Variants in FAM107B observed in about 807,000 individuals in gnomAD.
FAM107B encodes the protein family with sequence similarity 107 member B.
A neutral mutation model predicts 31.5 loss-of-function variants in FAM107B; 21 were observed. The ratio of observed to expected loss-of-function variants is 0.67; its 90% CI spans 0.47 to 0.96. The LOEUF (loss-of-function observed/expected upper bound fraction) is 0.96, where lower values mean the gene tolerates loss of function less well. FAM107B is among the 40% of genes least tolerant of loss of function. The pLI is 0.00. For synonymous variants in FAM107B, 157 were observed against 141.5 expected, an observed-to-expected ratio of 1.11 and a Z score of -0.78; for missense variants, 452 against 377.1, an observed-to-expected ratio of 1.20 and a Z score of -1.64.
chr10:14,683,327 C>T (rs1278117163), intron 1 of FAM107B, among the ~76,000 whole-genome samples: 1 of 152,160 alleles, frequency 6.6e-6, no homozygotes, highest in Non-Finnish European at 1.5e-5. Context: ...TGGTTCAGTT[C>T]TGCAACGGAA....
intron 2 of FAM107B, among the ~76,000 whole-genome samples, chr10:14,558,199 A>G (rs1414985308): frequency 6.8e-6 from 1 of 147,960 alleles, no homozygotes; most frequent in Non-Finnish European, 1.5e-5. Flanking sequence ...GCACACACTC[A>G]CGTGCACGTG....
intron 1 of FAM107B, among the ~76,000 whole-genome samples, chr10:14,766,619 G>A (rs373837427): frequency 1.3e-5 from 2 of 151,968 alleles, no homozygotes; most frequent in South Asian, 2.1e-4. Context: ...GGGATTATCA[G>A]GAACTGATAT....
intron 1 of FAM107B, among the ~76,000 whole-genome samples, chr10:14,689,100 T>C (rs1225039621): frequency 6.6e-6 from 1 of 152,142 alleles, no homozygotes; most frequent in African/African-American, 2.4e-5. Flanking sequence ...ATGGACCTTG[T>C]CCTCAAGAAG....
chr10:14,704,267 C>CTG (rs1349375294), intron 1 of FAM107B, among the ~76,000 whole-genome samples: 1 of 66,642 alleles, frequency 1.5e-5, no homozygotes, highest in Admixed American at 1.7e-4. Context: ...AGGTAAATTG[C>CTG]TCTGTGTGTG....
intron 2 of FAM107B, among the ~76,000 whole-genome samples, chr10:14,660,866 G>T (rs1015821321): frequency 6.6e-6 from 1 of 152,120 alleles, no homozygotes; most frequent in African/African-American, 2.4e-5. Flanking sequence ...ATGCTACCCA[G>T]GTCATGAGGT....
At chr10:14,583,695 C>T (rs10906707) in intron 2 of FAM107B, among the ~76,000 whole-genome samples, 142,941 of 152,152 alleles carry the variant, frequency 0.94, 67,818 homozygotes, top group East Asian at 1. Flanking sequence ...CTTGCCAACA[C>T]CTGCTGCTAT....
In FAM107B at chr10:14,709,374, G is replaced by A. The variant is rs918259002; in HGVS notation, c.412-41683C>T. 5.9e-5 allele frequency among the ~76,000 whole-genome samples: 9 copies of A among 152,184 alleles called. No homozygotes were observed. In the East Asian group the frequency reaches 1.3e-3, roughly 23 times the overall value. ...AATGAACTTACAGTTCCACGTGGCT[G>A]GGCAAGCCTCACAATCATGGCAGAA... On this transcript the variant is annotated intron_variant, in intron 1 of 4. Coordinates refer to ENST00000181796, the MANE Select transcript of FAM107B (RefSeq NM_031453.4).
Position 14,681,534 on chromosome 10 carries a change from G to T in FAM107B, c.412-13843C>A, listed in dbSNP as rs1854835246. Among the ~76,000 whole-genome samples the T allele has an allele frequency of 6.6e-5, 10 of 152,288 alleles. No homozygotes were observed. The South Asian group carries it at 2.1e-3, about 32-fold the overall frequency. The stretch of plus-strand genomic sequence containing the variant: ...ATATACAGGGTTTCAGAGAAATACT[G>T]ACTGTTCCATCTTGGGTCGCATACT... On this transcript the variant is annotated intron_variant, in intron 1 of 4. Coordinates refer to ENST00000181796, the MANE Select transcript of FAM107B (RefSeq NM_031453.4).
At chr10:14,588,489 T>A (rs1851914472) in intron 2 of FAM107B, among the ~76,000 whole-genome samples, 1 of 151,942 alleles carries the variant, frequency 6.6e-6, no homozygotes, top group Admixed American at 6.6e-5. Context: ...GCTACCAGGG[T>A]CTACCCATTC....
chr10:14,700,519 T>C (rs902868245), intron 1 of FAM107B, among the ~76,000 whole-genome samples: 4 of 151,688 alleles, frequency 2.6e-5, no homozygotes, highest in South Asian at 4.2e-4. Flanking sequence ...TCAGAAGAGA[T>C]GCAATAAAAA....
chr10:14,595,680 T>A, intron 2 of FAM107B, among the ~76,000 whole-genome samples: 1 of 152,054 alleles, frequency 6.6e-6, no homozygotes, highest in Non-Finnish European at 1.5e-5. Flanking sequence ...GGTCTCCACA[T>A]CTGTAAAATG....
chr10:14,519,173 G>C lies in FAM107B; in HGVS notation c.*2017C>G, dbSNP rs899755774. The C allele has an allele frequency of 3.3e-5, 5 of 150,542 alleles. No individual in the cohort carries two copies. Among genetic ancestry groups the C allele is most frequent in the Non-Finnish European group, 7.4e-5 (5 of 67,694 alleles). The allele number at this position is 150,542 out of a possible 1,614,324, so 9.3% of individuals were successfully genotyped here. On this transcript the variant is annotated 3_prime_UTR_variant, in exon 5 of 5. Transcript: ENST00000181796. ...TCTTAAGTAACTTTTTTTTTTTTCA[G>C]TGAAGAATGAATTCTAGTTAAGCTC...
chr10:14,558,037 GT>G (rs1849853841), intron 2 of FAM107B, among the ~76,000 whole-genome samples: 1 of 152,178 alleles, frequency 6.6e-6, no homozygotes, highest in South Asian at 2.1e-4. Flanking sequence ...GCTCCTCCCC[GT>G]GAGTCCAGGT....
chr10:14,648,259 C>T (rs763871858), intron 2 of FAM107B, among the ~76,000 whole-genome samples: 2 of 152,152 alleles, frequency 1.3e-5, no homozygotes, highest in African/African-American at 4.8e-5. Flanking sequence ...TTAGTAAAAC[C>T]GAACTGCTGG....
At position 14,660,503 on chromosome 10, in the gene FAM107B, C is replaced by T. The variant is rs577539122; in HGVS notation, c.469+7131G>A. Among the ~76,000 whole-genome samples, 5 of 152,326 alleles carry T rather than the reference C, an allele frequency of 3.3e-5. No individual in the cohort carries two copies. The East Asian group carries it at 9.6e-4, about 29-fold the overall frequency. ...GACAAGATGTGCCACCTCTGAAAGA[C>T]TGTTAATCTCCCTCTCTCTATAAAA... On this transcript the variant is annotated intron_variant, in intron 2 of 4. Coordinates refer to ENST00000181796, the MANE Select transcript of FAM107B (RefSeq NM_031453.4).
At chr10:14,567,070 G>A (rs1016719519) in intron 2 of FAM107B, among the ~76,000 whole-genome samples, 1 of 152,166 alleles carries the variant, frequency 6.6e-6, no homozygotes, top group Non-Finnish European at 1.5e-5. Context: ...GGAGAATGGT[G>A]TGAACCCAGG....
intron 1 of FAM107B, among the ~76,000 whole-genome samples, chr10:14,675,492 T>G (rs1375866304): frequency 6.6e-6 from 1 of 152,112 alleles, no homozygotes; most frequent in African/African-American, 2.4e-5. Context: ...CTGGTTCCAT[T>G]TGTCTCCACC....
In FAM107B at chr10:14,667,650, C is replaced by CTCCA. The variant is rs753490967; in HGVS notation, c.449_452dup (p.Glu151AspfsTer12). 37 of 1,614,068 alleles carry CTCCA rather than the reference C, an allele frequency of 2.3e-5. No homozygotes were observed. The South Asian group carries it at 3.4e-4, about 15-fold the overall frequency. ...GTACTCTACCTGATGTCATTTTCTGCTCCAGCTCGAGGCATTTAGGTTCTT... is the reference window on the plus strand; with the variant it reads ...GTACTCTACCTGATGTCATTTTCTGCTCCATCCAGCTCGAGGCATTTAGGTTCTT... On this transcript the variant is annotated frameshift_variant, in exon 2 of 5. Transcript: ENST00000181796. LOFTEE classifies it high-confidence loss of function.
intron 2 of FAM107B, among the ~76,000 whole-genome samples, chr10:14,582,847 A>G (rs991307085): frequency 7.2e-5 from 11 of 152,118 alleles, no homozygotes; most frequent in African/African-American, 2.7e-4. Context: ...GCACTTTGGG[A>G]GGCCAAGGCA....
Sources: gnomAD v4.1 joint callset for allele counts (sites outside exome capture counted in the v4.1 genomes callset) on GRCh38, gnomAD v4.1.1 for gene constraint, MANE v1.5 for transcripts, NCBI Gene and HGNC (gene_info 2026-07-23, HGNC 2026-07-21) for gene names.